PTPRD: variants seen among roughly 807,000 people sequenced by gnomAD.
The protein encoded by PTPRD is protein tyrosine phosphatase receptor type D.
Under a neutral mutation model 214.5 loss-of-function variants are expected in PTPRD, and 34 were observed. That is an observed-to-expected ratio of 0.16 (90% CI 0.12 to 0.21). The LOEUF is 0.21. Ranked by LOEUF, PTPRD falls within the 10% of genes least tolerant of loss-of-function variation. The pLI is 1.00. For missense variants in PTPRD, 2,545 were observed against 2,398.7 expected, an observed-to-expected ratio of 1.06 and a Z score of -1.27; for synonymous variants, 1,128 against 845.7, an observed-to-expected ratio of 1.33 and a Z score of -5.79.
At chr9:9,327,249 T>C (rs1403592701) in intron 9 of PTPRD, among the ~76,000 whole-genome samples, 1 of 152,208 alleles carries the variant, frequency 6.6e-6, no homozygotes, top group Non-Finnish European at 1.5e-5. Flanking sequence ...AAATTAAATC[T>C]GCCTCTAGCA....
intron 2 of PTPRD, among the ~76,000 whole-genome samples, chr9:10,520,133 G>T (rs780237412): frequency 6.6e-6 from 1 of 152,144 alleles, no homozygotes; most frequent in Non-Finnish European, 1.5e-5. Flanking sequence ...AGCCAAGACA[G>T]CCCAAAAACT....
intron 14 of PTPRD, among the ~76,000 whole-genome samples, chr9:8,613,663 G>C (rs1358119641): frequency 6.6e-6 from 1 of 152,024 alleles, no homozygotes. Flanking sequence ...GATCATTCCA[G>C]AGTTCTTCCT....
chr9:9,729,254 C>G (rs2098143041), intron 7 of PTPRD, among the ~76,000 whole-genome samples: 1 of 152,068 alleles, frequency 6.6e-6, no homozygotes, highest in Non-Finnish European at 1.5e-5. Context: ...TGCAGCTGTC[C>G]TCCATCAGGT....
intron 10 of PTPRD, among the ~76,000 whole-genome samples, chr9:9,027,083 C>T (rs556657727): frequency 4.6e-5 from 7 of 151,626 alleles, no homozygotes; most frequent in South Asian, 2.1e-4. Context: ...TCTGGTGTTC[C>T]GCCCATTACT....
At chr9:9,956,719 T>C (rs1404304908) in intron 4 of PTPRD, among the ~76,000 whole-genome samples, 1 of 152,124 alleles carries the variant, frequency 6.6e-6, no homozygotes, top group Non-Finnish European at 1.5e-5. Context: ...CCATAGGAGC[T>C]AGTTACCTAG....
chr9:10,339,065 T>C (rs1182176772), intron 3 of PTPRD, among the ~76,000 whole-genome samples: 1 of 151,556 alleles, frequency 6.6e-6, no homozygotes, highest in Non-Finnish European at 1.5e-5. Flanking sequence ...AGCAGCAGAG[T>C]ATCCAGGTGG....
intron 8 of PTPRD, among the ~76,000 whole-genome samples, chr9:9,399,604 A>G (rs2069355091): frequency 6.6e-6 from 1 of 152,000 alleles, no homozygotes; most frequent in African/African-American, 2.4e-5. Flanking sequence ...TAATTCCCAC[A>G]TATTGTGGTA....
intron 2 of PTPRD, among the ~76,000 whole-genome samples, chr9:10,521,770 AT>A (rs2052376633): frequency 6.6e-6 from 1 of 152,154 alleles, no homozygotes; most frequent in South Asian, 2.1e-4. Flanking sequence ...GACTGTTAGA[AT>A]TTTTAGCAAT....
chr9:10,109,939 T>C (rs1418012260), intron 3 of PTPRD, among the ~76,000 whole-genome samples: 6 of 151,772 alleles, frequency 4.0e-5, no homozygotes, highest in Admixed American at 6.6e-5. Flanking sequence ...AGCTGTTTCC[T>C]GATATATGCC....
chr9:10,482,541 A>G (rs953500920), intron 2 of PTPRD, among the ~76,000 whole-genome samples: 2 of 151,948 alleles, frequency 1.3e-5, no homozygotes, highest in Admixed American at 6.6e-5. Flanking sequence ...CCCCTCCAAA[A>G]GATTATGATT....
chr9:10,286,019 G>T (rs750086699), intron 3 of PTPRD, among the ~76,000 whole-genome samples: 1 of 152,012 alleles, frequency 6.6e-6, no homozygotes, highest in Non-Finnish European at 1.5e-5. Context: ...CTGAGAAAGG[G>T]CCTAATAGTT....
chr9:9,642,580 C>G (rs1438342062), intron 7 of PTPRD, among the ~76,000 whole-genome samples: 1 of 152,100 alleles, frequency 6.6e-6, no homozygotes, highest in East Asian at 1.9e-4. Context: ...TGAAAGCTCT[C>G]TCCCTCCCCA....
intron 2 of PTPRD, among the ~76,000 whole-genome samples, chr9:10,403,227 A>ATATATAT (rs2098301499): frequency 3.3e-5 from 2 of 59,878 alleles, no homozygotes; most frequent in East Asian, 7.8e-4. Flanking sequence ...TGTGTGTGTA[A>ATATATAT]ATATATATAT....
intron 39 of PTPRD, among the ~76,000 whole-genome samples, chr9:8,354,255 A>G (rs1263087459): frequency 6.6e-6 from 1 of 152,068 alleles, no homozygotes; most frequent in African/African-American, 2.4e-5. Context: ...TGCAAAATGT[A>G]AAATGGGATT....
chr9:9,829,254 G>T (rs10816196), intron 5 of PTPRD, among the ~76,000 whole-genome samples: 15,126 of 151,648 alleles, frequency 0.1, 2,301 homozygotes, highest in East Asian at 0.75. Context: ...AGTGATGTTC[G>T]TCTTCTGAAT....
At chr9:8,628,065 T>G (rs1024617452) in intron 14 of PTPRD, among the ~76,000 whole-genome samples, 7 of 151,892 alleles carry the variant, frequency 4.6e-5, no homozygotes, top group Non-Finnish European at 8.8e-5. Flanking sequence ...CCCTTCCTTT[T>G]GTTTCAGTCT....
intron 12 of PTPRD, among the ~76,000 whole-genome samples, chr9:8,662,502 T>C (rs540092430): frequency 2.1e-3 from 319 of 152,248 alleles, no homozygotes; most frequent in Non-Finnish European, 4.0e-3. Flanking sequence ...CCCACACCTG[T>C]TGTCTAATTG....
intron 5 of PTPRD, among the ~76,000 whole-genome samples, chr9:9,839,693 A>G (rs546528153): frequency 1.3e-5 from 2 of 152,108 alleles, no homozygotes; most frequent in African/African-American, 4.8e-5. Context: ...ACAGAATTGG[A>G]AAAAACGACT....
chr9:9,917,406 C>T (rs1429234927), intron 5 of PTPRD, among the ~76,000 whole-genome samples: 1 of 142,530 alleles, frequency 7.0e-6, no homozygotes, highest in African/African-American at 2.6e-5. Flanking sequence ...TAGAGACCAC[C>T]ATGAACAACT....
Sources: allele counts gnomAD v4.1 joint callset (sites outside exome capture counted in the v4.1 genomes callset), GRCh38; gene constraint gnomAD v4.1.1; transcripts MANE v1.5; gene names NCBI Gene and HGNC (gene_info 2026-07-23, HGNC 2026-07-21).